SNX18: variants seen among roughly 807,000 people sequenced by gnomAD.
The protein encoded by SNX18 is sorting nexin 18.
In SNX18, 35 loss-of-function variants were observed where a neutral mutation model predicts 48.7. That is an observed-to-expected ratio of 0.72 (90% CI 0.55 to 0.95). The LOEUF is 0.95. Ranked by LOEUF, SNX18 falls within the 40% of genes least tolerant of loss-of-function variation. The pLI, the probability that SNX18 is intolerant of heterozygous loss-of-function variation, is 0.00. For missense variants in SNX18, 824 were observed against 871.0 expected (o/e 0.95, Z 0.68); for synonymous variants, 492 against 384.7 (o/e 1.28, Z -3.26).
chr5:54,612,101 G>A, the SNX18 span, among the ~76,000 whole-genome samples: 1 of 151,994 alleles, frequency 6.6e-6, no homozygotes, highest in Non-Finnish European at 1.5e-5. Context: ...GACTGATCTT[G>A]AACTCCTGGG....
At chr5:54,549,871 A>T (rs1311828686), downstream of SNX18, among the ~76,000 whole-genome samples, 3 of 152,320 alleles carry the variant, frequency 2.0e-5, no homozygotes, top group East Asian at 5.8e-4. Context: ...TGGGGCAGCC[A>T]TGCCCTGAAT....
chr5:54,576,233 G>A, the SNX18 span, among the ~76,000 whole-genome samples: 2 of 152,138 alleles, frequency 1.3e-5, no homozygotes, highest in African/African-American at 2.4e-5. Context: ...CCCTGGAGCC[G>A]TATGTGTAAT....
intron 1 of SNX18, among the ~76,000 whole-genome samples, chr5:54,532,014 C>G (rs1762259929): frequency 6.6e-6 from 1 of 152,186 alleles, no homozygotes; most frequent in Admixed American, 6.5e-5. Context: ...CATAAGTGCC[C>G]TGGCTCTGCG....
the SNX18 span, among the ~76,000 whole-genome samples, chr5:54,606,921 C>T: frequency 6.6e-6 from 1 of 152,172 alleles, no homozygotes; most frequent in Non-Finnish European, 1.5e-5. Flanking sequence ...ACAGTTCCAA[C>T]ATCACAAGGA....
At chr5:54,599,617 G>A in the SNX18 span, among the ~76,000 whole-genome samples, 1 of 152,094 alleles carries the variant, frequency 6.6e-6, no homozygotes, top group Non-Finnish European at 1.5e-5. Context: ...AAAACAGCAT[G>A]GTACTGGTAC....
the SNX18 span, among the ~76,000 whole-genome samples, chr5:54,637,230 G>A: frequency 1.3e-5 from 2 of 152,072 alleles, no homozygotes; most frequent in African/African-American, 4.8e-5. Flanking sequence ...AGAATTTTGC[G>A]ACTTTGCACC....
At chr5:54,611,338 C>T in the SNX18 span, among the ~76,000 whole-genome samples, 1 of 152,106 alleles carries the variant, frequency 6.6e-6, no homozygotes, top group Non-Finnish European at 1.5e-5. Flanking sequence ...ATGGTCCTTT[C>T]CCCACCCAGA....
chr5:54,559,674 A>G, the SNX18 span, among the ~76,000 whole-genome samples: 19,405 of 152,234 alleles, frequency 0.13, 1,304 homozygotes, highest in African/African-American at 0.17. Context: ...TTCATGACAG[A>G]CACCAAAAGC....
At chr5:54,638,211 A>G in the SNX18 span, among the ~76,000 whole-genome samples, 1 of 152,350 alleles carries the variant, frequency 6.6e-6, no homozygotes, top group East Asian at 1.9e-4. Flanking sequence ...GCCACGGTGC[A>G]TTTTTAGATA....
chr5:54,557,129 G>A, the SNX18 span, among the ~76,000 whole-genome samples: 1 of 152,136 alleles, frequency 6.6e-6, no homozygotes, highest in Non-Finnish European at 1.5e-5. Flanking sequence ...TTTCTTGCTA[G>A]CAATTCATAA....
At chr5:54,565,732 G>A in the SNX18 span, among the ~76,000 whole-genome samples, 2 of 152,172 alleles carry the variant, frequency 1.3e-5, no homozygotes, top group Non-Finnish European at 2.9e-5. Flanking sequence ...GTTATCAGTA[G>A]GGACTTGAAT....
the SNX18 span, among the ~76,000 whole-genome samples, chr5:54,574,909 C>G: frequency 6.6e-6 from 1 of 152,134 alleles, no homozygotes; most frequent in African/African-American, 2.4e-5. Flanking sequence ...CTAAGATGAC[C>G]AAGAATTACC....
downstream of SNX18, among the ~76,000 whole-genome samples, chr5:54,547,059 C>T (rs57690855): frequency 0.013 from 1,922 of 152,336 alleles, 30 homozygotes; most frequent in African/African-American, 0.042. Context: ...CTTGTATCTG[C>T]TTATCTTTAC....
At chr5:54,590,576 C>A in the SNX18 span, among the ~76,000 whole-genome samples, 2 of 152,148 alleles carry the variant, frequency 1.3e-5, no homozygotes, top group East Asian at 1.9e-4. Context: ...TGGTCAGTGA[C>A]CCCCTACTTA....
the SNX18 span, among the ~76,000 whole-genome samples, chr5:54,610,952 C>T: frequency 3.9e-5 from 6 of 152,154 alleles, no homozygotes; most frequent in Admixed American, 6.5e-5. Flanking sequence ...CATCTATTGG[C>T]TACGTTTACA....
chr5:54,623,613 C>T, the SNX18 span, among the ~76,000 whole-genome samples: 9 of 152,148 alleles, frequency 5.9e-5, no homozygotes, highest in African/African-American at 9.7e-5. Flanking sequence ...GTTCTCTATT[C>T]ACAGCCAAGT....
chr5:54,642,128 C>A, the SNX18 span, among the ~76,000 whole-genome samples: 1 of 152,200 alleles, frequency 6.6e-6, no homozygotes, highest in Admixed American at 6.5e-5. Flanking sequence ...CATTCCCCAA[C>A]TATCAGGAAC....
chr5:54,615,037 C>T, the SNX18 span, among the ~76,000 whole-genome samples: 1 of 152,108 alleles, frequency 6.6e-6, no homozygotes, highest in Non-Finnish European at 1.5e-5. Flanking sequence ...GAAACATACT[C>T]CTTCTGCTTT....
the SNX18 span, among the ~76,000 whole-genome samples, chr5:54,629,383 C>A: frequency 6.6e-6 from 1 of 152,242 alleles, no homozygotes; most frequent in African/African-American, 2.4e-5. Flanking sequence ...TTAGCCCCAA[C>A]TTTGAAAGGC....
Sources: gnomAD v4.1 joint callset for allele counts (sites outside exome capture counted in the v4.1 genomes callset) on GRCh38, gnomAD v4.1.1 for gene constraint, MANE v1.5 for transcripts, NCBI Gene and HGNC (gene_info 2026-07-23, HGNC 2026-07-21) for gene names.